MDGA2: variants seen among roughly 807,000 people sequenced by gnomAD.
MDGA2 encodes MAM domain containing glycosylphosphatidylinositol anchor 2.
A neutral mutation model predicts 117.8 loss-of-function variants in MDGA2; 40 were observed. That is an observed-to-expected ratio of 0.34 (90% confidence interval 0.26 to 0.44). The LOEUF (loss-of-function observed/expected upper bound fraction) is 0.44. MDGA2 is among the 20% of genes least tolerant of loss of function. MDGA2 has a pLI of 1.00. For synonymous variants in MDGA2, 452 were observed against 439.0 expected, an observed-to-expected ratio of 1.03 and a Z score of -0.37; for missense variants, 1,123 against 1,250.6, an observed-to-expected ratio of 0.90 and a Z score of 1.54.
At chr14:46,918,009 T>C (rs1390812192) in intron 10 of MDGA2, among the ~76,000 whole-genome samples, 1 of 152,146 alleles carries the variant, frequency 6.6e-6, no homozygotes, top group African/African-American at 2.4e-5. Flanking sequence ...AACAAAGTAT[T>C]TGAGGTGCAT....
At chr14:47,045,301 T>C (rs1360572157) in intron 7 of MDGA2, among the ~76,000 whole-genome samples, 1 of 152,206 alleles carries the variant, frequency 6.6e-6, no homozygotes, top group African/African-American at 2.4e-5. Flanking sequence ...ATGATTTTCA[T>C]ATAATTTGGT....
At chr14:46,932,646 A>C (rs928127710) in intron 9 of MDGA2, among the ~76,000 whole-genome samples, 6 of 152,152 alleles carry the variant, frequency 3.9e-5, no homozygotes, top group African/African-American at 1.4e-4. Flanking sequence ...AAGAATTAGA[A>C]ACTAGAAAAA....
intron 1 of MDGA2, among the ~76,000 whole-genome samples, chr14:47,383,698 T>C (rs950376313): frequency 6.6e-6 from 1 of 152,082 alleles, no homozygotes; most frequent in African/African-American, 2.4e-5. Context: ...GCCACCTTTG[T>C]ATTTTTAGTA....
intron 2 of MDGA2, among the ~76,000 whole-genome samples, chr14:47,277,847 C>T (rs987705486): frequency 3.9e-5 from 6 of 152,090 alleles, no homozygotes; most frequent in African/African-American, 7.2e-5. Context: ...TGCCCAACCC[C>T]GCCAGTTTCC....
chr14:47,216,955 G>A (rs1024793126), intron 3 of MDGA2, among the ~76,000 whole-genome samples: 4 of 151,964 alleles, frequency 2.6e-5, no homozygotes, highest in African/African-American at 9.7e-5. Flanking sequence ...ATACTGGAGA[G>A]GATGAAACAA....
At chr14:47,426,997 C>T (rs895346241) in intron 1 of MDGA2, among the ~76,000 whole-genome samples, 1 of 151,808 alleles carries the variant, frequency 6.6e-6, no homozygotes, top group Non-Finnish European at 1.5e-5. Context: ...TTAGCAAGGA[C>T]TAATTAATTT....
chr14:47,606,908 C>A (rs1896753343), intron 1 of MDGA2, among the ~76,000 whole-genome samples: 1 of 152,116 alleles, frequency 6.6e-6, no homozygotes, highest in South Asian at 2.1e-4. Context: ...CAAAAAATGT[C>A]CTGTATAGGT....
chr14:46,929,423 C>T (rs1595050627), intron 9 of MDGA2, among the ~76,000 whole-genome samples: 1 of 150,496 alleles, frequency 6.6e-6, no homozygotes, highest in South Asian at 2.1e-4. Flanking sequence ...TTTGGTACCT[C>T]CTAAATGTGA....
intron 2 of MDGA2, among the ~76,000 whole-genome samples, chr14:47,284,679 T>C (rs1441956257): frequency 6.6e-6 from 1 of 152,156 alleles, no homozygotes; most frequent in African/African-American, 2.4e-5. Flanking sequence ...CAAACCCATC[T>C]CTAATCTACT....
At chr14:47,021,990 G>T (rs1437550367) in intron 8 of MDGA2, among the ~76,000 whole-genome samples, 2 of 152,136 alleles carry the variant, frequency 1.3e-5, no homozygotes, top group Admixed American at 1.3e-4. Context: ...TTGAATTGCA[G>T]TATCAAAAAA....
intron 4 of MDGA2, among the ~76,000 whole-genome samples, chr14:47,134,776 ACT>A: frequency 7.3e-6 from 1 of 136,994 alleles, no homozygotes; most frequent in East Asian, 2.0e-4. Flanking sequence ...ACACACACAC[ACT>A]ATATATATAT....
chr14:47,449,647 A>G (rs1387775735), intron 1 of MDGA2, among the ~76,000 whole-genome samples: 1 of 152,136 alleles, frequency 6.6e-6, no homozygotes, highest in Non-Finnish European at 1.5e-5. Context: ...TCATTTTGTA[A>G]CTAACTAGAT....
intron 3 of MDGA2, among the ~76,000 whole-genome samples, chr14:47,192,595 G>C (rs764032463): frequency 2.0e-5 from 3 of 151,830 alleles, no homozygotes; most frequent in Non-Finnish European, 4.4e-5. Context: ...CTCCAGCCTG[G>C]GTGACACAGG....
At chr14:47,439,634 A>G (rs1892962337) in intron 1 of MDGA2, among the ~76,000 whole-genome samples, 1 of 152,164 alleles carries the variant, frequency 6.6e-6, no homozygotes, top group East Asian at 1.9e-4. Flanking sequence ...TGGTTTAAAA[A>G]GAATGCCAAA....
intron 8 of MDGA2, among the ~76,000 whole-genome samples, chr14:46,977,027 T>C (rs1886487790): frequency 6.6e-6 from 1 of 151,954 alleles, no homozygotes; most frequent in Admixed American, 6.6e-5. Flanking sequence ...CAAATTATGT[T>C]ACTAATGACA....
rs527455222 is a variant in MDGA2, at chr14:47,073,691, G to A, written c.1196-12113C>T. On this transcript the variant is annotated intron_variant, in intron 6 of 16. Transcript: ENST00000399232. ...GGTAAGAGAAGACTTCATGTATTTG[G>A]TGGTGCCTGAGAATTCGGGGATAAA... 7.9e-5 allele frequency among the ~76,000 whole-genome samples: 12 copies of A among 152,184 alleles called. No homozygotes were observed. The South Asian group carries it at 2.3e-3, about 29-fold the overall frequency.
At chr14:47,470,199 G>A (rs1566473263) in intron 1 of MDGA2, among the ~76,000 whole-genome samples, 1 of 151,800 alleles carries the variant, frequency 6.6e-6, no homozygotes, top group Non-Finnish European at 1.5e-5. Flanking sequence ...ACGTGCCACG[G>A]CGGTTCGCTG....
At chr14:47,237,454 T>C (rs1196454974) in intron 2 of MDGA2, among the ~76,000 whole-genome samples, 2 of 152,150 alleles carry the variant, frequency 1.3e-5, no homozygotes, top group African/African-American at 2.4e-5. Context: ...AACATAGTTT[T>C]ACAGGTAAAA....
At chr14:46,989,732 C>T (rs1887010484) in intron 8 of MDGA2, among the ~76,000 whole-genome samples, 1 of 151,920 alleles carries the variant, frequency 6.6e-6, no homozygotes, top group South Asian at 2.1e-4. Flanking sequence ...ATATTCTACA[C>T]AATTAGCTAT....
Sources: gnomAD v4.1 joint callset for allele counts (sites outside exome capture counted in the v4.1 genomes callset) on GRCh38, gnomAD v4.1.1 for gene constraint, MANE v1.5 for transcripts, NCBI Gene and HGNC (gene_info 2026-07-23, HGNC 2026-07-21) for gene names.